IQUB: variants seen among roughly 807,000 people sequenced by gnomAD.
The protein encoded by IQUB is IQ motif and ubiquitin domain containing, also known as IQ motif and ubiquitin-like domain-containing protein.
Under a neutral mutation model 86.4 loss-of-function variants are expected in IQUB, and 86 were observed. The observed-to-expected ratio is 1.00, with a 90% CI of 0.84 to 1.19. The LOEUF is 1.19. Ranked by LOEUF, IQUB falls within the 50% of genes most tolerant of loss-of-function variation. The pLI is 0.00. For synonymous variants in IQUB, 289 were observed against 304.5 expected, an observed-to-expected ratio of 0.95 and a Z score of 0.53; for missense variants, 946 against 916.9, an observed-to-expected ratio of 1.03 and a Z score of -0.41.
intron 1 of IQUB, among the ~76,000 whole-genome samples, chr7:123,516,365 T>C (rs1240710163): frequency 2.0e-5 from 3 of 152,176 alleles, no homozygotes; most frequent in Non-Finnish European, 2.9e-5. Context: ...TCATTTGTCA[T>C]ATCTGTTGTG....
Position 123,496,676 on chromosome 7 carries a change from A to C in IQUB, c.1234+20T>G. Reference sequence around the variant, plus strand: ...TGAAGAATTTAAAAATATTTTTTGCAAAGCCTGTGTCCAACTTACATTCTA... The same window carrying C: ...TGAAGAATTTAAAAATATTTTTTGCCAAGCCTGTGTCCAACTTACATTCTA... On this transcript the variant is annotated intron_variant, in intron 7 of 12. Transcript: ENST00000324698. The C allele has an allele frequency of 7.0e-7, 1 of 1,419,594 alleles. No homozygotes were observed. Among genetic ancestry groups the C allele is most frequent in the Non-Finnish European group, 9.6e-7 (1 of 1,043,758 alleles). The allele number at this position is 1,419,594 out of a possible 1,614,324, so 87.9% of individuals were successfully genotyped here.
intron 12 of IQUB, among the ~76,000 whole-genome samples, chr7:123,455,646 T>C (rs1362494404): frequency 6.6e-6 from 1 of 152,102 alleles, no homozygotes; most frequent in Non-Finnish European, 1.5e-5. Context: ...CACAAATTTG[T>C]CCAATTTCTC....
intron 1 of IQUB, among the ~76,000 whole-genome samples, chr7:123,513,886 T>C (rs1297288024): frequency 6.6e-6 from 1 of 152,162 alleles, no homozygotes; most frequent in Non-Finnish European, 1.5e-5. Context: ...TGGCCTCAAG[T>C]GATTCATCTG....
At chr7:123,495,388 T>C (rs1795661531) in intron 7 of IQUB, among the ~76,000 whole-genome samples, 1 of 152,034 alleles carries the variant, frequency 6.6e-6, no homozygotes, top group Non-Finnish European at 1.5e-5. Flanking sequence ...CTTATAGCTA[T>C]AAAAAGACTC....
At chr7:123,511,263 A>C (rs368100443) in intron 2 of IQUB, among the ~76,000 whole-genome samples, 5 of 152,280 alleles carry the variant, frequency 3.3e-5, no homozygotes, top group Admixed American at 2.0e-4. Flanking sequence ...AAACTCTCTC[A>C]AAACTCATTC....
chr7:123,507,958 C>T lies in IQUB; in HGVS notation c.532+1943G>A, dbSNP rs187695430. ...CAAGTATGTCTACATCCTAATCTCC[C>T]GGACCTATGAATATTACCTTATATG... On this transcript the variant is annotated intron_variant, in intron 3 of 12. Coordinates refer to ENST00000324698, the MANE Select transcript of IQUB (RefSeq NM_178827.5). Among the ~76,000 whole-genome samples the T allele has an allele frequency of 7.9e-5, 12 of 152,172 alleles. 1 individual carries two copies. Among genetic ancestry groups the T allele is most frequent in the East Asian group, 5.8e-4 (3 of 5,184 alleles).
rs536880441 is a variant in IQUB, at chr7:123,495,134, A to G, written c.1234+1562T>C. 2.0e-5 allele frequency among the ~76,000 whole-genome samples: 3 copies of G among 152,238 alleles called. No homozygotes were observed. The East Asian group carries it at 5.8e-4, about 29-fold the overall frequency. ...AAAAATGGAAGTAGAAGTGAAGTTT[A>G]AAGTAAAATAAGCAGTATTTCCAGA... On this transcript the variant is annotated intron_variant, in intron 7 of 12. Coordinates refer to ENST00000324698, the MANE Select transcript of IQUB (RefSeq NM_178827.5).
chr7:123,463,937 C>T (rs6466872), intron 10 of IQUB, among the ~76,000 whole-genome samples: 122,996 of 151,560 alleles, frequency 0.81, 49,945 homozygotes, highest in Admixed American at 0.83. Flanking sequence ...GAACTTTTTC[C>T]CTTGGACTTT....
intron 1 of IQUB, among the ~76,000 whole-genome samples, chr7:123,518,114 G>C (rs1321228695): frequency 2.0e-5 from 3 of 151,638 alleles, no homozygotes; most frequent in Non-Finnish European, 4.4e-5. Context: ...ACACAACCAA[G>C]GAAGGTCTAC....
chr7:123,514,830 A>G (rs1796571459), intron 1 of IQUB, among the ~76,000 whole-genome samples: 1 of 152,198 alleles, frequency 6.6e-6, no homozygotes, highest in Non-Finnish European at 1.5e-5. Flanking sequence ...ACTCCTACTT[A>G]TAAGTGAGAA....
Position 123,512,151 on chromosome 7 carries a change from T to G in IQUB, c.190A>C (p.Ser64Arg). 3.1e-6 allele frequency: 5 copies of G among 1,614,044 alleles called. No homozygotes were observed. In the South Asian group the frequency reaches 5.5e-5, roughly 18 times the overall value. Residue 64 changes from serine to arginine, a missense_variant, in exon 2 of 13, where the codon AGT (serine) becomes CGT (arginine). Coordinates refer to ENST00000324698, the MANE Select transcript of IQUB (RefSeq NM_178827.5). Reference sequence around the variant, plus strand: ...TCCAGGCTTGAAAAGCTTTGGTCACTCTGCTCCTCAACATGTATTGCATGG... The same window carrying G: ...TCCAGGCTTGAAAAGCTTTGGTCACGCTGCTCCTCAACATGTATTGCATGG... ...ESHAIHVEEQ[S>R]DQSFSSLEPD...
Position 123,461,553 on chromosome 7 carries a change from C to A in IQUB, c.1811G>T (p.Cys604Phe). The change falls in exon 11 of 13, where the codon TGC (cysteine) becomes TTC (phenylalanine). Residue 604 changes from cysteine (C) to phenylalanine (F), a missense_variant. By Grantham distance (205) the Cys-to-Phe change is radical (BLOSUM62 -2). Coordinates refer to ENST00000324698, the MANE Select transcript of IQUB (RefSeq NM_178827.5). ...TTCTGTAGAAGGCAAATAAAGCTGGCAACTGTGGCAAAAGTAAATCTTCTT... is the reference window on the plus strand; with the variant it reads ...TTCTGTAGAAGGCAAATAAAGCTGGAAACTGTGGCAAAAGTAAATCTTCTT... The part of the protein sequence containing the change: ...FYKKIYFCHS[C>F]QLYLPSTEFS... 1 of 1,611,338 alleles carries A rather than the reference C, an allele frequency of 6.2e-7. No homozygotes were observed. Among genetic ancestry groups the A allele is most frequent in the Non-Finnish European group, 8.5e-7 (1 of 1,178,494 alleles).
At chr7:123,522,557 G>C (rs1796956113) in intron 1 of IQUB, among the ~76,000 whole-genome samples, 1 of 152,154 alleles carries the variant, frequency 6.6e-6, no homozygotes, top group African/African-American at 2.4e-5. Flanking sequence ...TTAGCAAACA[G>C]TGCCTGGCAC....
chr7:123,502,432 T>TG, intron 6 of IQUB, 165 bp downstream of exon 6: 1 of 605,306 alleles, frequency 1.7e-6, no homozygotes, highest in South Asian at 2.2e-5. Flanking sequence ...GTTCTTTACA[T>TG]GGGGGAATAC....
chr7:123,491,858 G>GA (rs758415892), intron 7 of IQUB, among the ~76,000 whole-genome samples: 2 of 151,638 alleles, frequency 1.3e-5, no homozygotes, highest in Non-Finnish European at 1.5e-5. Context: ...ACATAACAAG[G>GA]AAAAAAAAGT....
intron 1 of IQUB, among the ~76,000 whole-genome samples, chr7:123,518,560 G>A (rs2117303254): frequency 6.6e-6 from 1 of 152,022 alleles, no homozygotes; most frequent in Middle Eastern, 3.4e-3. Flanking sequence ...TCCCTCTTGG[G>A]GCTTTTGCAT....
intron 2 of IQUB, among the ~76,000 whole-genome samples, chr7:123,511,031 C>G (rs1450471116): frequency 6.6e-6 from 1 of 151,892 alleles, no homozygotes; most frequent in Non-Finnish European, 1.5e-5. Flanking sequence ...AAAATGAAAC[C>G]CAAATTTACA....
chr7:123,489,362 G>A lies in IQUB; in HGVS notation c.1234+7334C>T, dbSNP rs189955044. Among the ~76,000 whole-genome samples, 192 of 152,180 alleles carry A rather than the reference G, an allele frequency of 1.3e-3. 1 individual carries two copies. The highest frequency in any genetic ancestry group is 4.3e-3 in the African/African-American group (177 of 41,528). ...AGTGATGTGCAGGTTTTCCTTTACA[G>A]CTAAAGTCATTTACAATATGTAATA... On this transcript the variant is annotated intron_variant, in intron 7 of 12. Coordinates refer to ENST00000324698, the MANE Select transcript of IQUB (RefSeq NM_178827.5).
In IQUB at chr7:123,462,919, C is replaced by T. The variant is rs1035784854; in HGVS notation, c.1759-1314G>A. 9 of 436,652 alleles carry T rather than the reference C, an allele frequency of 2.1e-5. No homozygotes were observed. In the Admixed American group the frequency reaches 2.2e-4, roughly 11 times the overall value. 27.0% of individuals were successfully genotyped at this position (436,652 alleles called of 1,614,324 possible). A position where few individuals can be genotyped will look rare whatever the true frequency, so the allele number is the denominator to read the frequency against. On this transcript the variant is annotated intron_variant, in intron 10 of 12. Transcript: ENST00000324698. ...ATTTAAGCTACAGAATTAAACTCTACAAATTCTCCAGTGTACCTACTCCCA... is the reference window on the plus strand; with the variant it reads ...ATTTAAGCTACAGAATTAAACTCTATAAATTCTCCAGTGTACCTACTCCCA...
Sources: allele counts gnomAD v4.1 joint callset (sites outside exome capture counted in the v4.1 genomes callset), GRCh38; gene constraint gnomAD v4.1.1; transcripts MANE v1.5; gene names NCBI Gene and HGNC (gene_info 2026-07-23, HGNC 2026-07-21).